OR10H3: variants seen among roughly 807,000 people sequenced by gnomAD.
OR10H3 encodes olfactory receptor 10H3.
OR10H3 carries 15 observed loss-of-function variants against 11.1 expected under a neutral mutation model. That is an observed-to-expected ratio of 1.36 (90% confidence interval 0.91 to 2.09). The LOEUF (loss-of-function observed/expected upper bound fraction) is 2.09, where lower values mean the gene tolerates loss of function less well. Ranked by LOEUF, OR10H3 falls within the 30% of genes most tolerant of loss-of-function variation. OR10H3 has a pLI of 0.00. For missense variants in OR10H3, 403 were observed against 391.5 expected (o/e 1.03, Z -0.25); for synonymous variants, 149 against 142.1 (o/e 1.05, Z -0.35).
At chr19:15,740,973 G>A (rs1279864294) in intron 1 of OR10H3, among the ~76,000 whole-genome samples, 1 of 152,150 alleles carries the variant, frequency 6.6e-6, no homozygotes. Context: ...GGTTAAATAA[G>A]CAATTAAAAG....
At chr19:15,740,376 T>C (rs1218314666) in intron 1 of OR10H3, among the ~76,000 whole-genome samples, 4 of 152,222 alleles carry the variant, frequency 2.6e-5, no homozygotes, top group Non-Finnish European at 4.4e-5. Flanking sequence ...CAGCTGGTTA[T>C]GTAGATCAAG....
intron 1 of OR10H3, 82 bp downstream of exon 1, chr19:15,738,133 C>A (rs539042215): frequency 1.3e-5 from 2 of 152,064 alleles, no homozygotes; most frequent in African/African-American, 4.8e-5. Flanking sequence ...CTAATTTGTG[C>A]TATATATTCT....
In OR10H3 at chr19:15,742,327, G is replaced by T; in HGVS notation, c.935G>T (p.Cys312Phe). ...AATAAAAACTTTTGCAGAAGGTTCT[G>T]CCCTCTAAGCTCCTAATGGCCAGTT... The part of the protein sequence containing the change: ...AINKNFCRRF[C>F]PLSS Residue 312 changes from cysteine to phenylalanine, a missense_variant, in exon 2 of 2, where the codon TGC (cysteine) becomes TTC (phenylalanine). Physicochemically the swap from Cys to Phe is radical, Grantham distance 205. Coordinates refer to ENST00000641646, the MANE Select transcript of OR10H3 (RefSeq NM_013938.2). The T allele has an allele frequency of 6.2e-7, 1 of 1,612,546 alleles. No homozygotes were observed. Among genetic ancestry groups the T allele is most frequent in the Non-Finnish European group, 8.5e-7 (1 of 1,179,296 alleles).
In OR10H3 at chr19:15,742,321, G is replaced by A. The variant is rs865944404; in HGVS notation, c.929G>A (p.Arg310Lys). 4.3e-6 allele frequency: 7 copies of A among 1,613,346 alleles called. No homozygotes were observed. The Admixed American group carries it at 5.0e-5, about 12-fold the overall frequency. ...GCCATAAATAAAAACTTTTGCAGAA[G>A]GTTCTGCCCTCTAAGCTCCTAATGG... The part of the protein sequence containing the change: ...KNAINKNFCR[R>K]FCPLSS The change falls in exon 2 of 2, where the codon AGG (arginine) becomes AAG (lysine). Residue 310 changes from arginine to lysine, a missense_variant. Transcript: ENST00000641646.
At chr19:15,739,727 T>C (rs2008677624) in intron 1 of OR10H3, among the ~76,000 whole-genome samples, 1 of 152,132 alleles carries the variant, frequency 6.6e-6, no homozygotes, top group African/African-American at 2.4e-5. Context: ...GATTTGGCTA[T>C]TTCTATCTAT....
rs1172164918 is a variant in OR10H3 at position 15,741,662 on chromosome 19, T to C, written c.270T>C (p.His90=). The change falls in exon 2 of 2, where the codon CAT becomes CAC. Residue 90 remains histidine, a synonymous_variant. Coordinates refer to ENST00000641646, the MANE Select transcript of OR10H3 (RefSeq NM_013938.2). ...PRMLADLLFT[H]RSITFVACAI... The stretch of plus-strand genomic sequence containing the variant: ...TGCTGGCTGATCTGCTCTTCACCCA[T>C]CGTTCCATCACCTTTGTGGCTTGTG... The C allele has an allele frequency of 3.7e-6, 6 of 1,614,116 alleles. No homozygotes were observed. The Admixed American group carries it at 6.7e-5, about 18-fold the overall frequency.
rs747691063 is a variant in OR10H3, at chr19:15,741,762, T to C, written c.370T>C (p.Tyr124His). 3 of 1,614,174 alleles carry C rather than the reference T, an allele frequency of 1.9e-6. No individual in the cohort carries two copies. In the South Asian group the frequency reaches 3.3e-5, roughly 18 times the overall value. ...TCTCATGGTCATGGGCTATGATCACTACGTGACCATCTGCCACCCACTGCA... is the reference window on the plus strand; with the variant it reads ...TCTCATGGTCATGGGCTATGATCACCACGTGACCATCTGCCACCCACTGCA... The part of the protein sequence containing the change: ...FLLMVMGYDH[Y>H]VTICHPLHYN... The change falls in exon 2 of 2, where the codon TAC (tyrosine) becomes CAC (histidine). Residue 124 changes from tyrosine to histidine, a missense_variant. Physicochemically the swap from Tyr to His is moderately conservative, Grantham distance 83. Coordinates refer to ENST00000641646, the MANE Select transcript of OR10H3 (RefSeq NM_013938.2).
intron 1 of OR10H3, among the ~76,000 whole-genome samples, chr19:15,739,123 A>T (rs1178848978): frequency 2.0e-5 from 3 of 152,148 alleles, no homozygotes; most frequent in African/African-American, 7.2e-5. Flanking sequence ...TCTTCCAAAC[A>T]CATGAGATTT....
chr19:15,742,244 C>G lies in OR10H3; in HGVS notation c.852C>G (p.Thr284=), dbSNP rs765864883. 3.1e-5 allele frequency: 50 copies of G among 1,613,918 alleles called. No individual in the cohort carries two copies. Among genetic ancestry groups the G allele is most frequent in the Non-Finnish European group, 4.0e-5 (47 of 1,180,026 alleles). ...TGGCCACCACCTATACTGTCTTCAC[C>G]CCCTTCCTCAGCCCAATCATTTTCA... ...ALMATTYTVF[T]PFLSPIIFSL... Residue 284 remains threonine (T), a synonymous_variant, in exon 2 of 2, where the codon ACC becomes ACG. Coordinates refer to ENST00000641646, the MANE Select transcript of OR10H3 (RefSeq NM_013938.2).
intron 1 of OR10H3, among the ~76,000 whole-genome samples, chr19:15,739,551 C>T (rs1010091621): frequency 2.6e-5 from 4 of 151,804 alleles, no homozygotes; most frequent in South Asian, 2.1e-4. Context: ...ATTAGCCAGG[C>T]GTGGTGGCAC....
Position 15,741,535 on chromosome 19 carries a change from C to A in OR10H3, c.143C>A (p.Ala48Asp). ...TTGCTTGGCAACCTTCTTATCATGG[C>A]CACAGTTTGGATTGAACGCAGACTC... ...FTLLGNLLIM[A>D]TVWIERRLHT... Residue 48 changes from alanine to aspartate, a missense_variant, in exon 2 of 2, where the codon GCC (alanine) becomes GAC (aspartate). Physicochemically the swap from Ala to Asp is moderately radical, Grantham distance 126 (BLOSUM62 -2). Coordinates refer to ENST00000641646, the MANE Select transcript of OR10H3 (RefSeq NM_013938.2). The A allele has an allele frequency of 1.2e-6, 2 of 1,614,200 alleles. No homozygotes were observed. The highest frequency in any genetic ancestry group is 1.7e-6 in the Non-Finnish European group (2 of 1,180,020).
rs772556486 is a variant in OR10H3 at position 15,741,853 on chromosome 19, C to G, written c.461C>G (p.Ser154Trp). The G allele has an allele frequency of 2.0e-5, 32 of 1,614,040 alleles. No individual in the cohort carries two copies. In the South Asian group the frequency reaches 2.4e-4, roughly 12 times the overall value. The change falls in exon 2 of 2, where the codon TCG (serine) becomes TGG (tryptophan). Residue 154 changes from serine to tryptophan, a missense_variant. Transcript: ENST00000641646. ...GTGGCCTGGACCTGGGCTGGTGGCT[C>G]GGTCATGGGGATGATGGTGACAATG... is the stretch of plus-strand genomic sequence containing the variant. ...HLVAWTWAGG[S>W]VMGMMVTMMV...
rs745971251 is a variant in OR10H3 at position 15,742,279 on chromosome 19, A to T, written c.887A>T (p.Asn296Ile). ...AGCCCAATCATTTTCAGTCTAAGGAACAAGGAGCTGAAGAATGCCATAAAT... is the reference window on the plus strand; with the variant it reads ...AGCCCAATCATTTTCAGTCTAAGGATCAAGGAGCTGAAGAATGCCATAAAT... ...FLSPIIFSLR[N>I]KELKNAINKN... Residue 296 changes from asparagine (N) to isoleucine (I), a missense_variant, in exon 2 of 2, where the codon AAC becomes ATC. Transcript: ENST00000641646. 1 of 1,613,022 alleles carries T rather than the reference A, an allele frequency of 6.2e-7. No individual in the cohort carries two copies. The highest frequency in any genetic ancestry group is 1.7e-5 in the Admixed American group (1 of 60,004).
intron 1 of OR10H3, among the ~76,000 whole-genome samples, chr19:15,740,257 G>T (rs1195339129): frequency 6.6e-6 from 1 of 152,100 alleles, no homozygotes; most frequent in Non-Finnish European, 1.5e-5. Flanking sequence ...GTGAGACCTT[G>T]TCTCTAAAAA....
chr19:15,740,335 C>A (rs1174433826), intron 1 of OR10H3, among the ~76,000 whole-genome samples: 1 of 152,134 alleles, frequency 6.6e-6, no homozygotes, highest in African/African-American at 2.4e-5. Flanking sequence ...ATACTGTAAT[C>A]AAAATGTTCT....
In OR10H3 at chr19:15,742,156, G is replaced by A. The variant is rs1416178029; in HGVS notation, c.764G>A (p.Ser255Asn). 1 of 1,614,094 alleles carries A rather than the reference G, an allele frequency of 6.2e-7. No homozygotes were observed. The highest frequency in any genetic ancestry group is 1.7e-5 in the Admixed American group (1 of 60,012). ...SHLTVVVMHY[S>N]FASLIYLKPK... The stretch of plus-strand genomic sequence containing the variant: ...CTCACTGTGGTGGTCATGCACTATA[G>A]TTTTGCCTCCCTTATCTACCTCAAA... The change falls in exon 2 of 2, where the codon AGT becomes AAT. Residue 255 changes from serine (S) to asparagine (N), a missense_variant. Coordinates refer to ENST00000641646, the MANE Select transcript of OR10H3 (RefSeq NM_013938.2).
Position 15,739,578 on chromosome 19 carries a change from C to A in OR10H3, c.-12+1527C>A, listed in dbSNP as rs185988545. On this transcript the variant is annotated intron_variant, in intron 1 of 1. Transcript: ENST00000641646. ...TGGTGGCACGCGCCTGTAATCCCAG[C>A]TATTAGGGAGGCTGAGGCAGGAGAA... Among the ~76,000 whole-genome samples, 102 of 152,114 alleles carry A rather than the reference C, an allele frequency of 6.7e-4. 6 individuals are homozygous for A. The East Asian group carries it at 0.012, about 18-fold the overall frequency.
At chr19:15,741,034 T>G (rs1301844229) in intron 1 of OR10H3, among the ~76,000 whole-genome samples, 1 of 152,288 alleles carries the variant, frequency 6.6e-6, no homozygotes, top group South Asian at 2.1e-4. Context: ...AAAATAAATG[T>G]TTTCTAGAAC....
At chr19:15,739,819 G>C (rs547731950) in intron 1 of OR10H3, among the ~76,000 whole-genome samples, 1 of 152,102 alleles carries the variant, frequency 6.6e-6, no homozygotes, top group Non-Finnish European at 1.5e-5. Context: ...GATGCTGTTT[G>C]CTATGTTCTT....
Sources: allele counts gnomAD v4.1 joint callset (sites outside exome capture counted in the v4.1 genomes callset), GRCh38; gene constraint gnomAD v4.1.1; transcripts MANE v1.5; gene names NCBI Gene and HGNC (gene_info 2026-07-23, HGNC 2026-07-21).